The following SDK1 variants were observed in gnomAD, a reference collection of about 807,000 sequenced individuals.
SDK1 encodes protein sidekick-1.
SDK1 carries 157 observed loss-of-function variants against 245.5 expected under a neutral mutation model. The observed-to-expected ratio is 0.64, with a 90% confidence interval of 0.56 to 0.73. The LOEUF is 0.73. Among genes scored for constraint, SDK1 ranks in the 30% least tolerant of loss-of-function variants. The pLI, the probability that SDK1 is intolerant of heterozygous loss-of-function variation, is 0.00. For synonymous variants in SDK1, 1,647 were observed against 1,278.5 expected, an observed-to-expected ratio of 1.29 and a Z score of -6.15; for missense variants, 3,583 against 3,002.3, an observed-to-expected ratio of 1.19 and a Z score of -4.52.
rs13311644 is a variant in SDK1, at chr7:4,139,557, A to G, written c.4229-6165A>G. On this transcript the variant is annotated intron_variant, in intron 28 of 44. Transcript: ENST00000404826. The stretch of plus-strand genomic sequence containing the variant: ...TGTGTATATATGTGTGTGTATATGT[A>G]TATATGTGTGTATATGTGTGTGTGT... Among the ~76,000 whole-genome samples, 15 of 12,464 alleles carry G rather than the reference A, an allele frequency of 1.2e-3. 2 individuals carry two copies. The highest frequency in any genetic ancestry group is 5.2e-3 in the African/African-American group (15 of 2,876). The allele number at this position is 12,464 out of a possible 152,430, so 8.2% of individuals were successfully genotyped here.
At chr7:4,132,265 C>A in intron 27 of SDK1, 60 bp from the exon 28 acceptor site, 1 of 1,343,200 alleles carries the variant, frequency 7.4e-7, no homozygotes, top group Non-Finnish European at 1.1e-6. Context: ...CCTGTGTAAC[C>A]TGTCACGCAC....
At chr7:3,485,665 GGGGATGATCTTTGGA>G (rs1175437951) in intron 1 of SDK1, among the ~76,000 whole-genome samples, 133 of 115,724 alleles carry the variant, frequency 1.1e-3, no homozygotes, top group Middle Eastern at 5.6e-3. Context: ...TTTGTGCTGA[GGGGATGATCTTTGGA>G]GGGTTTTTTT....
rs76302580 is a variant in SDK1 at position 3,734,214 on chromosome 7, G to T, written c.714-87236G>T. ...ACCATAGTTGTTCTTACATTTCTTTGTATCATTAGGTGCCCCACTGCCAGG... is the reference window on the plus strand; with the variant it reads ...ACCATAGTTGTTCTTACATTTCTTTTTATCATTAGGTGCCCCACTGCCAGG... On this transcript the variant is annotated intron_variant, in intron 4 of 44. Coordinates refer to ENST00000404826, the MANE Select transcript of SDK1 (RefSeq NM_152744.4). Among the ~76,000 whole-genome samples the T allele has an allele frequency of 5.4e-3, 819 of 152,218 alleles. 6 individuals carry two copies. Among genetic ancestry groups the T allele is most frequent in the African/African-American group, 0.019 (770 of 41,530 alleles).
At chr7:3,494,083 T>A (rs938776124) in intron 1 of SDK1, among the ~76,000 whole-genome samples, 1 of 152,158 alleles carries the variant, frequency 6.6e-6, no homozygotes, top group Non-Finnish European at 1.5e-5. Context: ...CTCATTTATT[T>A]AGAAGTCAGA....
At chr7:3,924,933 C>G (rs1265351517) in intron 5 of SDK1, among the ~76,000 whole-genome samples, 2 of 152,172 alleles carry the variant, frequency 1.3e-5, no homozygotes, top group Non-Finnish European at 2.9e-5. Context: ...TGGCCACTGT[C>G]ATTTTCCCCC....
chr7:3,352,541 TGTAG>T (rs1371791544), intron 1 of SDK1, among the ~76,000 whole-genome samples: 18 of 152,286 alleles, frequency 1.2e-4, no homozygotes, highest in Admixed American at 3.3e-4. Flanking sequence ...CAGCTGTGCC[TGTAG>T]TTACGTGTTC....
chr7:3,629,620 G>A (rs562287160), intron 2 of SDK1, among the ~76,000 whole-genome samples: 1 of 152,312 alleles, frequency 6.6e-6, no homozygotes, highest in African/African-American at 2.4e-5. Flanking sequence ...TACTGCTCTG[G>A]TTCTGCCTAA....
At chr7:3,625,600 A>G (rs1381851279) in intron 2 of SDK1, among the ~76,000 whole-genome samples, 1 of 152,246 alleles carries the variant, frequency 6.6e-6, no homozygotes, top group African/African-American at 2.4e-5. Context: ...TCTTGTTTGC[A>G]ACGTCTATGG....
At chr7:4,045,610 G>C (rs930364712) in intron 17 of SDK1, among the ~76,000 whole-genome samples, 1 of 152,146 alleles carries the variant, frequency 6.6e-6, no homozygotes, top group Non-Finnish European at 1.5e-5. Context: ...CAGGATTACC[G>C]GGTCACGTGG....
intron 1 of SDK1, among the ~76,000 whole-genome samples, chr7:3,528,087 G>C (rs1276518364): frequency 6.8e-6 from 1 of 147,286 alleles, no homozygotes; most frequent in Admixed American, 6.8e-5. Context: ...AGCCAGCTAG[G>C]GGGTGAAGGG....
chr7:4,110,615 C>T (rs756226380), intron 22 of SDK1, 48 bp from the exon 23 acceptor site: 2 of 1,337,520 alleles, frequency 1.5e-6, no homozygotes, highest in Admixed American at 3.4e-5. Context: ...ATGGCAGCCT[C>T]AGTCCCTAAG....
chr7:3,519,349 A>G lies in SDK1; in HGVS notation c.299-99731A>G, dbSNP rs183435300. 1.2e-3 allele frequency among the ~76,000 whole-genome samples: 186 copies of G among 152,280 alleles called. 3 individuals are homozygous for G. The highest frequency in any genetic ancestry group is 4.3e-3 in the African/African-American group (180 of 41,582). ...TGAATTATGCTAATTACCCATTACT[A>G]TATATTGTAATGTATCAAAACATTA... is the stretch of plus-strand genomic sequence containing the variant. On this transcript the variant is annotated intron_variant, in intron 1 of 44. Coordinates refer to ENST00000404826, the MANE Select transcript of SDK1 (RefSeq NM_152744.4).
Position 4,253,531 on chromosome 7 carries a change from G to T in SDK1, c.6381+7726G>T, listed in dbSNP as rs146978274. Among the ~76,000 whole-genome samples the T allele has an allele frequency of 2.3e-3, 357 of 152,092 alleles. 1 individual carries two copies. The highest frequency in any genetic ancestry group is 3.3e-3 in the Non-Finnish European group (221 of 67,974). On this transcript the variant is annotated intron_variant, in intron 44 of 44. Transcript: ENST00000404826. ...ATTTTCAGTCCTTTAAAATTCATTG[G>T]GTCTTATTTTAAGGCCTGGCCTATG... is the stretch of plus-strand genomic sequence containing the variant.
At chr7:3,932,036 A>T (rs546508348) in intron 5 of SDK1, among the ~76,000 whole-genome samples, 7 of 152,292 alleles carry the variant, frequency 4.6e-5, no homozygotes, top group Non-Finnish European at 8.8e-5. Flanking sequence ...CACAGTCCAG[A>T]TTTGCTGAGT....
intron 1 of SDK1, among the ~76,000 whole-genome samples, chr7:3,310,067 A>G (rs1406433444): frequency 6.6e-6 from 1 of 152,214 alleles, no homozygotes; most frequent in African/African-American, 2.4e-5. Context: ...CACATGCTCA[A>G]AAGCTCCCGG....
intron 4 of SDK1, among the ~76,000 whole-genome samples, chr7:3,648,165 T>C (rs952271992): frequency 1.3e-5 from 2 of 152,252 alleles, no homozygotes; most frequent in African/African-American, 4.8e-5. Context: ...GGTTTAGATA[T>C]ATTTTCTTTA....
At chr7:3,763,545 A>T (rs1035039694) in intron 4 of SDK1, among the ~76,000 whole-genome samples, 5 of 152,206 alleles carry the variant, frequency 3.3e-5, no homozygotes, top group African/African-American at 1.2e-4. Context: ...GTTGCCCCTA[A>T]ACACTTCACC....
chr7:3,385,073 A>G (rs1333406467), intron 1 of SDK1, among the ~76,000 whole-genome samples: 1 of 152,160 alleles, frequency 6.6e-6, no homozygotes, highest in Non-Finnish European at 1.5e-5. Context: ...TACTGTTTCA[A>G]TATTAAGTCT....
At chr7:3,669,619 T>G (rs1783634133) in intron 4 of SDK1, among the ~76,000 whole-genome samples, 1 of 152,192 alleles carries the variant, frequency 6.6e-6, no homozygotes, top group South Asian at 2.1e-4. Flanking sequence ...ACCTTGGATT[T>G]CCTCAATCCT....
Sources: gnomAD v4.1 joint callset for allele counts (sites outside exome capture counted in the v4.1 genomes callset) on GRCh38, gnomAD v4.1.1 for gene constraint, MANE v1.5 for transcripts, NCBI Gene and HGNC (gene_info 2026-07-23, HGNC 2026-07-21) for gene names.